Variants in KATNAL2 observed in about 807,000 individuals in gnomAD.
KATNAL2 encodes the protein katanin p60 ATPase-containing subunit A-like 2.
A neutral mutation model predicts 76.3 loss-of-function variants in KATNAL2; 52 were observed. That is an observed-to-expected ratio of 0.68 (90% CI 0.55 to 0.86). The LOEUF is 0.86. KATNAL2 is among the 40% of genes least tolerant of loss of function. KATNAL2 has a pLI of 0.00. For synonymous variants in KATNAL2, 243 were observed against 244.2 expected, an observed-to-expected ratio of 1.00 and a Z score of 0.05; for missense variants, 660 against 668.9, an observed-to-expected ratio of 0.99 and a Z score of 0.15.
chr18:46,923,138 T>C (rs2058623093), intron 1 of KATNAL2, among the ~76,000 whole-genome samples: 1 of 151,504 alleles, frequency 6.6e-6, no homozygotes, highest in Non-Finnish European at 1.5e-5. Flanking sequence ...TATGTATACA[T>C]GTGCCATGTT....
At chr18:46,937,269 A>C (rs1178382891) in intron 1 of KATNAL2, among the ~76,000 whole-genome samples, 1 of 152,174 alleles carries the variant, frequency 6.6e-6, no homozygotes, top group Non-Finnish European at 1.5e-5. Flanking sequence ...TCTACAAAAT[A>C]CCTGTCCAGT....
rs530807935 is a variant in KATNAL2 at position 47,074,636 on chromosome 18, T to C, written c.1009-641T>C. Among the ~76,000 whole-genome samples, 9 of 152,348 alleles carry C rather than the reference T, an allele frequency of 5.9e-5. No individual in the cohort carries two copies. In the South Asian group the frequency reaches 1.9e-3, roughly 32 times the overall value. ...ATATGTCTGTTCTTTTGCCGGTTGC[T>C]TTCCTGTTCTTGTTCAGTCTATAAT... On this transcript the variant is annotated intron_variant, in intron 13 of 17. Transcript: ENST00000683218.
At chr18:47,079,422 C>G (rs2062402563) in intron 15 of KATNAL2, among the ~76,000 whole-genome samples, 1 of 149,358 alleles carries the variant, frequency 6.7e-6, no homozygotes, top group South Asian at 2.1e-4. Flanking sequence ...TGAGATGGAT[C>G]CTTGCTCTGT....
At chr18:47,042,548 A>T (rs530002212) in intron 3 of KATNAL2, among the ~76,000 whole-genome samples, 2 of 152,320 alleles carry the variant, frequency 1.3e-5, no homozygotes, top group South Asian at 4.2e-4. Context: ...AATACTCTAA[A>T]AAACAAGAAT....
intron 13 of KATNAL2, among the ~76,000 whole-genome samples, chr18:47,072,294 C>G (rs2062035883): frequency 6.6e-6 from 1 of 151,832 alleles, no homozygotes; most frequent in Non-Finnish European, 1.5e-5. Context: ...AAGTAACTAG[C>G]CTTTTAAAAA....
In KATNAL2 at chr18:47,041,069, G is replaced by A. The variant is rs115447295; in HGVS notation, c.52-5388G>A. On this transcript the variant is annotated intron_variant, in intron 3 of 17. Transcript: ENST00000683218. ...TAAAAAATAGAATTTATTTTTTAGC[G>A]CAGTTTTAGATTCACAGCCAAATTG... 6.0e-3 allele frequency among the ~76,000 whole-genome samples: 913 copies of A among 152,228 alleles called. 10 individuals carry two copies. The highest frequency in any genetic ancestry group is 0.021 in the African/African-American group (856 of 41,554).
At chr18:47,089,084 G>A (rs1440515926) in intron 15 of KATNAL2, among the ~76,000 whole-genome samples, 1 of 152,114 alleles carries the variant, frequency 6.6e-6, no homozygotes, top group Non-Finnish European at 1.5e-5. Context: ...ATCTTGAATG[G>A]GTCCAGGACC....
At chr18:46,934,282 T>A (rs1321176037) in intron 1 of KATNAL2, among the ~76,000 whole-genome samples, 6 of 152,320 alleles carry the variant, frequency 3.9e-5, no homozygotes, top group East Asian at 3.9e-4. Context: ...AAAGTGTTCC[T>A]ATTGCTCCAC....
intron 8 of KATNAL2, among the ~76,000 whole-genome samples, chr18:47,061,018 C>T (rs1266414166): frequency 1.3e-5 from 2 of 152,182 alleles, no homozygotes; most frequent in Non-Finnish European, 2.9e-5. Context: ...TTGAAATAGT[C>T]TGACTATAAA....
chr18:46,921,893 TC>T (rs2146481832), intron 1 of KATNAL2, among the ~76,000 whole-genome samples: 1 of 152,170 alleles, frequency 6.6e-6, no homozygotes, highest in South Asian at 2.1e-4. Context: ...CTCTTTTCCT[TC>T]CCACTGATTA....
intron 15 of KATNAL2, chr18:47,084,335 C>T (rs1207470282): frequency 1.4e-6 from 1 of 702,898 alleles, no homozygotes; most frequent in Admixed American, 2.0e-5. Flanking sequence ...TCCATAGTAA[C>T]CACATGCATT....
At chr18:47,036,725 T>C (rs977190472) in intron 3 of KATNAL2, among the ~76,000 whole-genome samples, 1 of 152,252 alleles carries the variant, frequency 6.6e-6, no homozygotes, top group Non-Finnish European at 1.5e-5. Flanking sequence ...TATGGTTTTT[T>C]CTCTTATTTC....
At chr18:46,962,070 G>T (rs144834989) in intron 3 of KATNAL2, among the ~76,000 whole-genome samples, 1 of 152,124 alleles carries the variant, frequency 6.6e-6, no homozygotes, top group East Asian at 1.9e-4. Flanking sequence ...AAATGCATAG[G>T]CTGCTGGCAC....
chr18:47,066,584 G>A (rs1156934178), intron 10 of KATNAL2, among the ~76,000 whole-genome samples: 2 of 152,030 alleles, frequency 1.3e-5, no homozygotes, highest in Non-Finnish European at 2.9e-5. Flanking sequence ...GCAAGAGCAA[G>A]GCCAGGCACT....
Position 46,946,835 on chromosome 18 carries a change from A to G in KATNAL2, c.-19-19A>G. Reference sequence around the variant, plus strand: ...CGACCGGTCAGCCCAGTAACTGACTACTTTTCTCCCTTCTCTAGGGTCCTA... The same window carrying G: ...CGACCGGTCAGCCCAGTAACTGACTGCTTTTCTCCCTTCTCTAGGGTCCTA... On this transcript the variant is annotated intron_variant, in intron 2 of 17. Transcript: ENST00000683218. 4 of 1,531,060 alleles carry G rather than the reference A, an allele frequency of 2.6e-6. No homozygotes were observed. The highest frequency in any genetic ancestry group is 3.5e-6 in the Non-Finnish European group (4 of 1,143,232). 94.8% of individuals were successfully genotyped at this position (1,531,060 alleles called of 1,614,324 possible). A position where few individuals can be genotyped will look rare whatever the true frequency, so the allele number is the denominator to read the frequency against.
chr18:47,051,943 A>G (rs1045164202), intron 4 of KATNAL2, among the ~76,000 whole-genome samples: 11 of 152,206 alleles, frequency 7.2e-5, no homozygotes, highest in African/African-American at 2.2e-4. Context: ...ACTAAAAAAG[A>G]AAGTTTTCTC....
intron 4 of KATNAL2, among the ~76,000 whole-genome samples, chr18:47,049,220 GA>G (rs1379409335): frequency 2.0e-5 from 3 of 152,228 alleles, no homozygotes; most frequent in Admixed American, 1.3e-4. Flanking sequence ...CTTGTCTGTA[GA>G]ATGGAGTAAT....
intron 3 of KATNAL2, chr18:47,033,734 T>A: frequency 6.2e-7 from 1 of 1,614,158 alleles, no homozygotes; most frequent in South Asian, 1.1e-5. Context: ...ACCGGCATCT[T>A]AGCATTCACT....
chr18:46,926,446 G>C (rs1183000909), intron 1 of KATNAL2, among the ~76,000 whole-genome samples: 1 of 152,162 alleles, frequency 6.6e-6, no homozygotes, highest in Non-Finnish European at 1.5e-5. Flanking sequence ...TGTGGTCTGA[G>C]AGACAGTTTG....
Sources: allele counts gnomAD v4.1 joint callset (sites outside exome capture counted in the v4.1 genomes callset), GRCh38; gene constraint gnomAD v4.1.1; transcripts MANE v1.5; gene names NCBI Gene and HGNC (gene_info 2026-07-23, HGNC 2026-07-21).